The following PRKD1 variants were observed in gnomAD, a reference collection of about 807,000 sequenced individuals.
PRKD1 encodes the protein serine/threonine-protein kinase D1.
Under a neutral mutation model 95.9 loss-of-function variants are expected in PRKD1, and 63 were observed. That is an observed-to-expected ratio of 0.66 (90% CI 0.54 to 0.81). PRKD1 has a LOEUF of 0.81. Among genes scored for constraint, PRKD1 ranks in the 30% least tolerant of loss-of-function variants. PRKD1 has a pLI of 0.00. For missense variants in PRKD1, 1,048 were observed against 1,165.3 expected, an observed-to-expected ratio of 0.90 and a Z score of 1.47; for synonymous variants, 425 against 423.1, an observed-to-expected ratio of 1.00 and a Z score of -0.05.
At chr14:29,893,660 T>C (rs1894017599) in intron 1 of PRKD1, among the ~76,000 whole-genome samples, 2 of 152,238 alleles carry the variant, frequency 1.3e-5, no homozygotes, top group South Asian at 4.1e-4. Flanking sequence ...TCATTTTCTT[T>C]AGCAGTGGTT....
At chr14:29,609,719 T>TTC (rs1555327802) in intron 13 of PRKD1, among the ~76,000 whole-genome samples, 1 of 147,030 alleles carries the variant, frequency 6.8e-6, no homozygotes, top group Admixed American at 6.9e-5. Flanking sequence ...TCTTTATTTT[T>TTC]TTTTTTTTTT....
rs200692321 is a variant in PRKD1 at position 29,826,746 on chromosome 14, CATAT to C, written c.264+100499_264+100502del. Reference sequence around the variant, plus strand: ...ACATATATATACACATATATATACACATATATATATACATATATATATACACATA... The same window carrying C: ...ACATATATATACACATATATATACACATATATACATATATATATACACATA... On this transcript the variant is annotated intron_variant, in intron 1 of 17. Transcript: ENST00000331968. Among the ~76,000 whole-genome samples the C allele has an allele frequency of 1.2e-4, 6 of 49,188 alleles. No homozygotes were observed. The East Asian group carries it at 2.8e-3, about 23-fold the overall frequency. The allele number at this position is 49,188 out of a possible 152,430, so 32.3% of individuals were successfully genotyped here. A position where few individuals can be genotyped will look rare whatever the true frequency, so the allele number is the denominator to read the frequency against.
chr14:29,835,087 A>G (rs1278887883), intron 1 of PRKD1, among the ~76,000 whole-genome samples: 1 of 152,226 alleles, frequency 6.6e-6, no homozygotes, highest in Admixed American at 6.5e-5. Flanking sequence ...AAACAAATTC[A>G]GGAATCCCAA....
Position 29,894,566 on chromosome 14 carries a change from T to G in PRKD1, c.264+32683A>C, listed in dbSNP as rs76523848. Among the ~76,000 whole-genome samples, 19 of 152,374 alleles carry G rather than the reference T, an allele frequency of 1.2e-4. No individual in the cohort carries two copies. The East Asian group carries it at 3.7e-3, about 29-fold the overall frequency. ...AGACCTACATTTGTACAAAATTATC[T>G]GTCTGCTAAGTAAAGAATGGATGAG... On this transcript the variant is annotated intron_variant, in intron 1 of 17. Coordinates refer to ENST00000331968, the MANE Select transcript of PRKD1 (RefSeq NM_002742.3).
At chr14:29,853,799 C>T (rs1029879830) in intron 1 of PRKD1, among the ~76,000 whole-genome samples, 4 of 152,110 alleles carry the variant, frequency 2.6e-5, no homozygotes, top group South Asian at 2.1e-4. Context: ...GAATCATGGG[C>T]GCAGGTCTTT....
At chr14:29,649,481 T>C (rs1881353598) in intron 4 of PRKD1, among the ~76,000 whole-genome samples, 1 of 152,066 alleles carries the variant, frequency 6.6e-6, no homozygotes, top group African/African-American at 2.4e-5. Context: ...TACTTTGTGT[T>C]TGTAGTTGCT....
chr14:29,900,303 T>G (rs1296035096), intron 1 of PRKD1, among the ~76,000 whole-genome samples: 1 of 152,176 alleles, frequency 6.6e-6, no homozygotes, highest in East Asian at 1.9e-4. Context: ...ACAATCAGAC[T>G]TCAAACCAGG....
chr14:29,729,913 A>G (rs1451224274), intron 1 of PRKD1, among the ~76,000 whole-genome samples: 1 of 152,128 alleles, frequency 6.6e-6, no homozygotes, highest in Non-Finnish European at 1.5e-5. Flanking sequence ...AGACATAAAG[A>G]TAAGACCTAA....
intron 1 of PRKD1, among the ~76,000 whole-genome samples, chr14:29,727,370 C>G (rs897941834): frequency 3.3e-5 from 5 of 151,052 alleles, no homozygotes; most frequent in African/African-American, 1.2e-4. Flanking sequence ...ATGGTAGTTT[C>G]TTTTGCTGTG....
intron 1 of PRKD1, among the ~76,000 whole-genome samples, chr14:29,763,347 CAAGGAAGGAAGG>C (rs145217208): frequency 2.3e-5 from 2 of 88,372 alleles, no homozygotes; most frequent in South Asian, 8.9e-4. Flanking sequence ...AGGAACGAAG[CAAGGAAGGAAGG>C]AAGGAAGGAG....
At chr14:29,707,401 G>T (rs1885144013) in intron 2 of PRKD1, among the ~76,000 whole-genome samples, 1 of 152,054 alleles carries the variant, frequency 6.6e-6, no homozygotes, top group Admixed American at 6.6e-5. Flanking sequence ...AGAAGTTTGG[G>T]ATACATTAGA....
At chr14:29,833,670 G>C (rs1256800031) in intron 1 of PRKD1, among the ~76,000 whole-genome samples, 1 of 151,942 alleles carries the variant, frequency 6.6e-6, no homozygotes, top group African/African-American at 2.4e-5. Context: ...TTCAGTATAA[G>C]AATATTTATA....
intron 1 of PRKD1, among the ~76,000 whole-genome samples, chr14:29,830,889 T>G (rs1045331315): frequency 4.6e-5 from 7 of 152,104 alleles, no homozygotes; most frequent in African/African-American, 1.2e-4. Flanking sequence ...TTCGCCATAT[T>G]GCCCAGGCTG....
Position 29,701,654 on chromosome 14 carries a change from T to C in PRKD1, c.403+23882A>G, listed in dbSNP as rs141612038. On this transcript the variant is annotated intron_variant, in intron 2 of 17. Coordinates refer to ENST00000331968, the MANE Select transcript of PRKD1 (RefSeq NM_002742.3). ...CAGTGGTAGTCAATACTTTTTCTTT[T>C]CTTTTTTAACTCTTACATATCATGA... Among the ~76,000 whole-genome samples, 235 of 152,328 alleles carry C rather than the reference T, an allele frequency of 1.5e-3. 1 individual carries two copies. Among genetic ancestry groups the C allele is most frequent in the African/African-American group, 5.3e-3 (221 of 41,580 alleles).
chr14:29,927,242 G>C lies in PRKD1; in HGVS notation c.264+7C>G, dbSNP rs376817803. 69 of 1,493,632 alleles carry C rather than the reference G, an allele frequency of 4.6e-5. No individual in the cohort carries two copies. The African/African-American group carries it at 8.5e-4, about 18-fold the overall frequency. The allele number at this position is 1,493,632 out of a possible 1,614,324, so 92.5% of individuals were successfully genotyped here. On this transcript the variant is annotated splice_region_variant and intron_variant, in intron 1 of 17. Transcript: ENST00000331968. Reference sequence around the variant, plus strand: ...GGCGCCGGGCTGGCAGCGGTGCGGCGACTTACCTTCTGGTCGACAATGGAG... The same window carrying C: ...GGCGCCGGGCTGGCAGCGGTGCGGCCACTTACCTTCTGGTCGACAATGGAG...
chr14:29,666,668 A>C lies in PRKD1; in HGVS notation c.404-460T>G, dbSNP rs1854449969. Among the ~76,000 whole-genome samples, 3 of 152,174 alleles carry C rather than the reference A, an allele frequency of 2.0e-5. No homozygotes were observed. The South Asian group carries it at 6.2e-4, about 32-fold the overall frequency. ...GTTTGACAATGAAGAAGTACATTACAGGGTCCAGTTGAAAGATAGATATAA... is the reference window on the plus strand; with the variant it reads ...GTTTGACAATGAAGAAGTACATTACCGGGTCCAGTTGAAAGATAGATATAA... On this transcript the variant is annotated intron_variant, in intron 2 of 17. Coordinates refer to ENST00000331968, the MANE Select transcript of PRKD1 (RefSeq NM_002742.3).
At chr14:29,922,288 G>A (rs1195836914) in intron 1 of PRKD1, among the ~76,000 whole-genome samples, 5 of 137,286 alleles carry the variant, frequency 3.6e-5, no homozygotes, top group Admixed American at 1.5e-4. Context: ...GCAACAGAGC[G>A]AGACTCCATC....
intron 13 of PRKD1, among the ~76,000 whole-genome samples, chr14:29,600,041 G>GA (rs1046323872): frequency 6.6e-6 from 1 of 151,962 alleles, no homozygotes; most frequent in Non-Finnish European, 1.5e-5. Context: ...ATTTCTATGT[G>GA]AAAAAAATCC....
intron 16 of PRKD1, chr14:29,594,170 C>G (rs1191862737): frequency 4.4e-6 from 2 of 451,682 alleles, no homozygotes; most frequent in Non-Finnish European, 8.9e-6. Context: ...AAGTCAACAT[C>G]TACACTAACA....
Sources: gnomAD v4.1 joint callset for allele counts (sites outside exome capture counted in the v4.1 genomes callset) on GRCh38, gnomAD v4.1.1 for gene constraint, MANE v1.5 for transcripts, NCBI Gene and HGNC (gene_info 2026-07-23, HGNC 2026-07-21) for gene names.